Variants in CECR2 observed in about 807,000 individuals in gnomAD.
The protein encoded by CECR2 is chromatin remodeling regulator CECR2.
In CECR2, 30 loss-of-function variants were observed where a neutral mutation model predicts 154.5. That is an observed-to-expected ratio of 0.19 (90% CI 0.15 to 0.26). The LOEUF (loss-of-function observed/expected upper bound fraction) is 0.26, where lower values mean the gene tolerates loss of function less well. Ranked by LOEUF, CECR2 falls within the 10% of genes least tolerant of loss-of-function variation. The pLI is 1.00. For missense variants in CECR2, 1,743 were observed against 1,829.3 expected (o/e 0.95, Z 0.86); for synonymous variants, 725 against 683.7 (o/e 1.06, Z -0.94).
chr22:17,470,733 T>C (rs1438062099), intron 1 of CECR2, among the ~76,000 whole-genome samples: 1 of 152,208 alleles, frequency 6.6e-6, no homozygotes, highest in African/African-American at 2.4e-5. Flanking sequence ...ATAATTTCTT[T>C]CCATTTCCAC....
chr22:17,506,586 C>T (rs1423774616), intron 7 of CECR2, among the ~76,000 whole-genome samples: 1 of 152,218 alleles, frequency 6.6e-6, no homozygotes, highest in East Asian at 1.9e-4. Flanking sequence ...TTCTTCATCT[C>T]AAGGACCATG....
chr22:17,498,116 T>C (rs1601461763), intron 3 of CECR2, among the ~76,000 whole-genome samples: 1 of 152,152 alleles, frequency 6.6e-6, no homozygotes, highest in African/African-American at 2.4e-5. Context: ...GGGGGCCGGG[T>C]GCTGTGGCTC....
chr22:17,420,054 A>G (rs963555696), intron 1 of CECR2, among the ~76,000 whole-genome samples: 1 of 152,200 alleles, frequency 6.6e-6, no homozygotes, highest in Non-Finnish European at 1.5e-5. Context: ...AATTGGATGT[A>G]TTTACAGCTG....
At chr22:17,414,035 C>T (rs1353792394) in intron 1 of CECR2, among the ~76,000 whole-genome samples, 4 of 149,960 alleles carry the variant, frequency 2.7e-5, no homozygotes, top group Non-Finnish European at 4.4e-5. Context: ...TGTGGTGGTG[C>T]AATCTCCGCT....
At chr22:17,378,692 C>T (rs140935294) in intron 1 of CECR2, among the ~76,000 whole-genome samples, 31 of 152,226 alleles carry the variant, frequency 2.0e-4, no homozygotes, top group African/African-American at 7.5e-4. Flanking sequence ...CAAATATGTC[C>T]GGCGGGGTGA....
intron 1 of CECR2, among the ~76,000 whole-genome samples, chr22:17,466,396 A>G (rs543469081): frequency 1.3e-5 from 2 of 152,318 alleles, no homozygotes; most frequent in South Asian, 4.1e-4. Context: ...AAACTTTCTA[A>G]GCATTTGGAT....
intron 1 of CECR2, among the ~76,000 whole-genome samples, chr22:17,416,250 A>G (rs113068671): frequency 0.013 from 2,006 of 152,268 alleles, 45 homozygotes; most frequent in African/African-American, 0.046. Context: ...TATATTTATC[A>G]CTTCCTTAAA....
In CECR2 at chr22:17,511,886, T is replaced by G. The variant is rs745626121; in HGVS notation, c.944T>G (p.Val315Gly). 1 of 1,611,546 alleles carries G rather than the reference T, an allele frequency of 6.2e-7. No homozygotes were observed. The highest frequency in any genetic ancestry group is 8.5e-7 in the Non-Finnish European group (1 of 1,178,370). Residue 315 changes from valine to glycine, a missense_variant, in exon 8 of 19, where the codon GTC (valine) becomes GGC (glycine). Transcript: ENST00000262608. ...TCTGACCACCTGTCCATCAAACCCG[T>G]CAAGCAAGAGGTGAGTGTGGGTGAG... ...WMSDHLSIKPVKQEETPVLTR... is the reference protein window; with the variant it reads ...WMSDHLSIKPGKQEETPVLTR...
In CECR2 at chr22:17,552,133, C is replaced by T; in HGVS notation, c.4380C>T (p.Pro1460=). 1 of 1,613,744 alleles carries T rather than the reference C, an allele frequency of 6.2e-7. No homozygotes were observed. Among genetic ancestry groups the T allele is most frequent in the Middle Eastern group, 1.7e-4 (1 of 6,060 alleles). Reference sequence around the variant, plus strand: ...CGCCTCATAAGCCTCCAACACTTCCCCTGGATCAGGTAAGGATCACTAAAA... The same window carrying T: ...CGCCTCATAAGCCTCCAACACTTCCTCTGGATCAGGTAAGGATCACTAAAA... ...EVPPHKPPTL[P]LDQS The change falls in exon 18 of 19, where the codon CCC becomes CCT. Residue 1460 remains proline (P), a synonymous_variant. Transcript: ENST00000262608.
chr22:17,502,842 A>T (rs987426742), intron 5 of CECR2, among the ~76,000 whole-genome samples: 1 of 152,214 alleles, frequency 6.6e-6, no homozygotes, highest in Non-Finnish European at 1.5e-5. Flanking sequence ...CTGTTTTCTT[A>T]TGCATTGATA....
chr22:17,487,533 AC>A (rs1171892599), intron 2 of CECR2, among the ~76,000 whole-genome samples: 1 of 152,174 alleles, frequency 6.6e-6, no homozygotes, highest in African/African-American at 2.4e-5. Context: ...CCCCGTCTGT[AC>A]TTAAAAAATA....
Position 17,524,134 on chromosome 22 carries a change from C to A in CECR2, c.971C>A (p.Thr324Asn). 1 of 1,591,764 alleles carries A rather than the reference C, an allele frequency of 6.3e-7. No homozygotes were observed. The highest frequency in any genetic ancestry group is 2.3e-5 in the East Asian group (1 of 43,964). ...PVKQEETPVL[T>N]RIEKQKRKEE... ...TCCTCACAGGAGACTCCTGTGCTGACCAGAATAGAAAAACAAAAGCGCAAA... is the reference window on the plus strand; with the variant it reads ...TCCTCACAGGAGACTCCTGTGCTGAACAGAATAGAAAAACAAAAGCGCAAA... The change falls in exon 9 of 19, where the codon ACC becomes AAC. Residue 324 changes from threonine (T) to asparagine (N), a missense_variant. Coordinates refer to ENST00000262608, the MANE Select transcript of CECR2 (RefSeq NM_001290047.2).
chr22:17,497,481 G>T lies in CECR2; in HGVS notation c.300G>T (p.Leu100=). 6.2e-7 allele frequency: 1 copy of T among 1,614,002 alleles called. No individual in the cohort carries two copies. Among genetic ancestry groups the T allele is most frequent in the Non-Finnish European group, 8.5e-7 (1 of 1,179,892 alleles). The stretch of plus-strand genomic sequence containing the variant: ...TCGAAGAAGGGAAGCCCAACCCTCT[G>T]AGGGAAGCCAGTTTCCAGGACCTGC... ...WELEEGKPNP[L]REASFQDLPL... The change falls in exon 3 of 19, where the codon CTG becomes CTT. Residue 100 remains leucine, a synonymous_variant. Coordinates refer to ENST00000262608, the MANE Select transcript of CECR2 (RefSeq NM_001290047.2).
At chr22:17,469,472 G>A (rs1301078030) in intron 1 of CECR2, among the ~76,000 whole-genome samples, 4 of 152,310 alleles carry the variant, frequency 2.6e-5, no homozygotes, top group South Asian at 4.1e-4. Context: ...TTCTTGGCCC[G>A]CGACAGCGCG....
At chr22:17,543,435 G>A (rs1372182629) in intron 16 of CECR2, among the ~76,000 whole-genome samples, 1 of 151,846 alleles carries the variant, frequency 6.6e-6, no homozygotes, top group Admixed American at 6.6e-5. Flanking sequence ...GGCCTTCCCA[G>A]CTTCTCTTTC....
intron 17 of CECR2, among the ~76,000 whole-genome samples, chr22:17,550,672 G>C (rs1852572583): frequency 6.6e-6 from 1 of 152,232 alleles, no homozygotes; most frequent in Non-Finnish European, 1.5e-5. Flanking sequence ...GCCAGGCGCG[G>C]TGGCTCACAC....
Position 17,542,923 on chromosome 22 carries a change from T to C in CECR2, c.2780T>C (p.Val927Ala), listed in dbSNP as rs1431404739. Reference protein sequence around the residue: ...PQVAHPMSVTVSAPKPALGNP... With the variant: ...PQVAHPMSVTASAPKPALGNP... ...GTAGCTCACCCAATGTCAGTCACTG[T>C]GTCAGCCCCCAAGCCTGCCCTGGGC... The change falls in exon 16 of 19, where the codon GTG becomes GCG. Residue 927 changes from valine to alanine, a missense_variant. Transcript: ENST00000262608. The C allele has an allele frequency of 6.2e-7, 1 of 1,613,980 alleles. No individual in the cohort carries two copies. The highest frequency in any genetic ancestry group is 8.5e-7 in the Non-Finnish European group (1 of 1,179,866).
intron 1 of CECR2, among the ~76,000 whole-genome samples, chr22:17,402,852 G>A (rs1031799008): frequency 6.6e-6 from 1 of 150,626 alleles, no homozygotes; most frequent in African/African-American, 2.4e-5. Context: ...CCGCCTCCCG[G>A]GTTCAAGCAG....
At chr22:17,486,210 CTCA>C (rs1389334498) in intron 2 of CECR2, among the ~76,000 whole-genome samples, 1 of 152,152 alleles carries the variant, frequency 6.6e-6, no homozygotes, top group African/African-American at 2.4e-5. Flanking sequence ...TAAAAGGAAC[CTCA>C]TCATCAAGTA....
Sources: allele counts gnomAD v4.1 joint callset (sites outside exome capture counted in the v4.1 genomes callset), GRCh38; gene constraint gnomAD v4.1.1; transcripts MANE v1.5; gene names NCBI Gene and HGNC (gene_info 2026-07-23, HGNC 2026-07-21).